Variants in ACBD6 observed in about 807,000 individuals in gnomAD.
The protein encoded by ACBD6 is acyl-CoA binding domain containing 6, also known as acyl-CoA-binding domain-containing protein 6.
ACBD6 carries 28 observed loss-of-function variants against 37.2 expected under a neutral mutation model. The observed-to-expected ratio is 0.75, with a 90% CI of 0.56 to 1.03. The LOEUF (loss-of-function observed/expected upper bound fraction) is 1.03. Ranked by LOEUF, ACBD6 falls within the 50% of genes least tolerant of loss-of-function variation. The pLI, the probability that ACBD6 is intolerant of heterozygous loss-of-function variation, is 0.00. For missense variants in ACBD6, 340 were observed against 337.4 expected, an observed-to-expected ratio of 1.01 and a Z score of -0.06; for synonymous variants, 113 against 126.8, an observed-to-expected ratio of 0.89 and a Z score of 0.73.
At chr1:180,485,100 C>G (rs938032806) in intron 3 of ACBD6, among the ~76,000 whole-genome samples, 1 of 151,440 alleles carries the variant, frequency 6.6e-6, no homozygotes, top group Non-Finnish European at 1.5e-5. Flanking sequence ...GTGTGTGTAT[C>G]TATAGATACA....
chr1:180,403,586 T>C (rs549285980), intron 5 of ACBD6, among the ~76,000 whole-genome samples: 19 of 152,286 alleles, frequency 1.2e-4, no homozygotes, highest in African/African-American at 4.1e-4. Flanking sequence ...TTTTTCATAA[T>C]AGATTCTTGG....
intron 1 of ACBD6, among the ~76,000 whole-genome samples, chr1:180,498,855 C>CAA (rs112571743): frequency 4.4e-5 from 5 of 114,644 alleles, no homozygotes; most frequent in Non-Finnish European, 5.6e-5. Flanking sequence ...AAAACTGTCT[C>CAA]AAAAAAAAAA....
At position 180,486,498 on chromosome 1, in the gene ACBD6, T is replaced by C. The variant is rs544819067; in HGVS notation, c.384+5771A>G. Among the ~76,000 whole-genome samples, 9 of 152,274 alleles carry C rather than the reference T, an allele frequency of 5.9e-5. No individual in the cohort carries two copies. The South Asian group carries it at 1.7e-3, about 28-fold the overall frequency. On this transcript the variant is annotated intron_variant, in intron 3 of 7. Coordinates refer to ENST00000367595, the MANE Select transcript of ACBD6 (RefSeq NM_032360.4). ...TAAAATCTCAGACCTTTCACAGTTC[T>C]TGACAACGAATAAATAAATAAATGG...
intron 4 of ACBD6, among the ~76,000 whole-genome samples, 175 bp from the exon 5 acceptor site, chr1:180,413,646 CT>C (rs1357879919): frequency 6.6e-6 from 1 of 151,982 alleles, no homozygotes; most frequent in Non-Finnish European, 1.5e-5. Flanking sequence ...CCTGAAAAGA[CT>C]AAAGTTCTTA....
chr1:180,476,817 T>A (rs949217251), intron 3 of ACBD6, among the ~76,000 whole-genome samples: 4 of 149,708 alleles, frequency 2.7e-5, no homozygotes, highest in Admixed American at 1.3e-4. Flanking sequence ...AGAGTGAGAC[T>A]CTGTCTCAAA....
intron 3 of ACBD6, among the ~76,000 whole-genome samples, chr1:180,462,333 G>A (rs964030906): frequency 6.6e-6 from 1 of 152,152 alleles, no homozygotes; most frequent in Non-Finnish European, 1.5e-5. Context: ...TATGCTGTCT[G>A]CAAGAGACTC....
chr1:180,426,257 CAG>C lies in ACBD6; in HGVS notation c.467+3921_467+3922del, dbSNP rs2101991384. On this transcript the variant is annotated intron_variant, in intron 4 of 7. Coordinates refer to ENST00000367595, the MANE Select transcript of ACBD6 (RefSeq NM_032360.4). ...CATGACATCAAACTACAAAATATAA[CAG>C]GGAGGATCAAATCTTATTGCAGGGT... 2.0e-5 allele frequency among the ~76,000 whole-genome samples: 3 copies of C among 152,294 alleles called. No homozygotes were observed. In the South Asian group the frequency reaches 6.2e-4, roughly 32 times the overall value.
chr1:180,295,217 C>T (rs1386920774), intron 7 of ACBD6, among the ~76,000 whole-genome samples: 1 of 151,210 alleles, frequency 6.6e-6, no homozygotes, highest in African/African-American at 2.4e-5. Context: ...AATCTTTCTT[C>T]TTTTCTAATA....
At chr1:180,270,728 A>G (rs1648595433) in exon 14 of ACBD6, 1 of 157,708 alleles carries the variant, frequency 6.3e-6, no homozygotes, top group Admixed American at 6.0e-5. Flanking sequence ...ATAAAAACTA[A>G]AGTTTAATGA....
intron 5 of ACBD6, among the ~76,000 whole-genome samples, chr1:180,401,439 AT>A (rs1054829247): frequency 1.3e-5 from 2 of 151,746 alleles, no homozygotes; most frequent in African/African-American, 4.8e-5. Flanking sequence ...ACCATGTAGA[AT>A]TTTTTTTTAA....
chr1:180,271,744 G>C, exon 14 of ACBD6: 3 of 1,468,648 alleles, frequency 2.0e-6, no homozygotes, highest in Non-Finnish European at 2.9e-6. Flanking sequence ...TCAGGCTTCA[G>C]TCTGCTTCCA....
chr1:180,448,311 G>A (rs961774759), intron 3 of ACBD6, among the ~76,000 whole-genome samples: 1 of 152,028 alleles, frequency 6.6e-6, no homozygotes, highest in African/African-American at 2.4e-5. Context: ...ATTGCAACTT[G>A]GTATGAGATT....
chr1:180,377,796 A>T (rs943848298), intron 6 of ACBD6, among the ~76,000 whole-genome samples: 2 of 151,664 alleles, frequency 1.3e-5, no homozygotes, highest in African/African-American at 4.8e-5. Context: ...AAAAATGCAA[A>T]ATTAGCTGGT....
intron 7 of ACBD6, among the ~76,000 whole-genome samples, chr1:180,294,395 G>A (rs539576144): frequency 1.2e-4 from 18 of 151,912 alleles, no homozygotes; most frequent in Non-Finnish European, 2.2e-4. Context: ...AAAATTAGCC[G>A]GGCATGGTGG....
At chr1:180,471,468 C>T (rs1650563643) in intron 3 of ACBD6, among the ~76,000 whole-genome samples, 1 of 60,298 alleles carries the variant, frequency 1.7e-5, no homozygotes, top group South Asian at 6.6e-4. Flanking sequence ...TTTCATGCTG[C>T]TGATAAAAAC....
chr1:180,380,926 G>A (rs1239413516), intron 6 of ACBD6, among the ~76,000 whole-genome samples: 1 of 152,020 alleles, frequency 6.6e-6, no homozygotes, highest in African/African-American at 2.4e-5. Context: ...ACACACAGTG[G>A]CTGAATGGCT....
chr1:180,479,848 G>A (rs1045913773), intron 3 of ACBD6, among the ~76,000 whole-genome samples: 3 of 152,064 alleles, frequency 2.0e-5, no homozygotes, highest in African/African-American at 7.2e-5. Flanking sequence ...AACTAGCTGG[G>A]TGTGGTGACA....
At chr1:180,452,403 G>A (rs6700986) in intron 3 of ACBD6, among the ~76,000 whole-genome samples, 73,813 of 151,796 alleles carry the variant, frequency 0.49, 20,774 homozygotes, top group South Asian at 0.66. Context: ...CCTAGGAGGC[G>A]AAGGTTGTGG....
At chr1:180,348,525 A>G (rs1652279640) in intron 6 of ACBD6, among the ~76,000 whole-genome samples, 1 of 152,224 alleles carries the variant, frequency 6.6e-6, no homozygotes, top group African/African-American at 2.4e-5. Context: ...TGTGACAGGA[A>G]GCAAGCTCAA....
Sources: gnomAD v4.1 joint callset for allele counts (sites outside exome capture counted in the v4.1 genomes callset) on GRCh38, gnomAD v4.1.1 for gene constraint, MANE v1.5 for transcripts, NCBI Gene and HGNC (gene_info 2026-07-23, HGNC 2026-07-21) for gene names.